Variants in TBC1D5 observed in about 807,000 individuals in gnomAD.
TBC1D5 encodes TBC1 domain family, member 5.
A neutral mutation model predicts 100.3 loss-of-function variants in TBC1D5; 75 were observed. That is an observed-to-expected ratio of 0.75 (90% CI 0.62 to 0.91). TBC1D5 has a LOEUF of 0.91. TBC1D5 is among the 40% of genes least tolerant of loss of function. The pLI, the probability that TBC1D5 is intolerant of heterozygous loss-of-function variation, is 0.00. For missense variants in TBC1D5, 910 were observed against 942.4 expected (o/e 0.97, Z 0.45); for synonymous variants, 323 against 325.6 (o/e 0.99, Z 0.09).
exon 22 of TBC1D5, chr3:17,160,651 A>C (rs191412758): frequency 3.4e-6 from 1 of 296,770 alleles, no homozygotes; most frequent in African/African-American, 2.1e-5. Context: ...GTGATTCTAA[A>C]TTGTGATTCG....
intron 18 of TBC1D5, among the ~76,000 whole-genome samples, chr3:17,186,152 T>A (rs549690690): frequency 6.6e-6 from 1 of 151,994 alleles, no homozygotes; most frequent in Non-Finnish European, 1.5e-5. Flanking sequence ...GAAAACTGAT[T>A]TTCCAGTCTT....
intron 5 of TBC1D5, 146 bp downstream of exon 5, chr3:17,406,272 T>C (rs1169517621): frequency 1.5e-6 from 1 of 651,188 alleles, no homozygotes; most frequent in Non-Finnish European, 2.6e-6. Context: ...AAATGTCCTA[T>C]GAAAGATAAA....
intron 14 of TBC1D5, among the ~76,000 whole-genome samples, chr3:17,302,549 G>A (rs934114024): frequency 2.6e-5 from 4 of 152,162 alleles, no homozygotes; most frequent in African/African-American, 9.7e-5. Flanking sequence ...TGGACTAGAT[G>A]CAGTGAATCT....
intron 13 of TBC1D5, among the ~76,000 whole-genome samples, chr3:17,363,113 T>C (rs2091856532): frequency 6.6e-6 from 1 of 152,204 alleles, no homozygotes; most frequent in Non-Finnish European, 1.5e-5. Context: ...ATTTCCTGCC[T>C]TCTACTTTTA....
intron 3 of TBC1D5, among the ~76,000 whole-genome samples, chr3:17,429,462 T>C (rs2094407655): frequency 6.6e-6 from 1 of 151,930 alleles, no homozygotes; most frequent in Non-Finnish European, 1.5e-5. Context: ...ATTTATATAA[T>C]GTAACTTTCA....
chr3:17,597,682 C>T (rs1162529660), intron 2 of TBC1D5, among the ~76,000 whole-genome samples: 1 of 152,096 alleles, frequency 6.6e-6, no homozygotes, highest in East Asian at 1.9e-4. Context: ...ATAATTAAAA[C>T]ATAACTTCCA....
intron 2 of TBC1D5, among the ~76,000 whole-genome samples, chr3:17,548,291 G>C (rs2153440980): frequency 6.6e-6 from 1 of 152,258 alleles, no homozygotes; most frequent in African/African-American, 2.4e-5. Flanking sequence ...CTAAGGATGG[G>C]CAACAAAGCG....
At chr3:17,500,550 CT>C (rs1415689157) in intron 3 of TBC1D5, among the ~76,000 whole-genome samples, 1 of 149,416 alleles carries the variant, frequency 6.7e-6, no homozygotes, top group Non-Finnish European at 1.5e-5. Context: ...GACTTAACCC[CT>C]AATAGATAAT....
intron 2 of TBC1D5, among the ~76,000 whole-genome samples, chr3:17,550,204 T>A (rs2096460522): frequency 6.6e-6 from 1 of 152,102 alleles, no homozygotes; most frequent in Non-Finnish European, 1.5e-5. Context: ...GTCTTTCCCC[T>A]TCTATGTGCT....
intron 1 of TBC1D5, among the ~76,000 whole-genome samples, chr3:17,689,595 T>C (rs2070815149): frequency 6.8e-6 from 1 of 146,884 alleles, no homozygotes; most frequent in Non-Finnish European, 1.5e-5. Context: ...TAATAAAAGA[T>C]AAATGTATAA....
intron 2 of TBC1D5, among the ~76,000 whole-genome samples, chr3:17,612,199 C>T (rs1365055477): frequency 6.7e-6 from 1 of 150,140 alleles, no homozygotes; most frequent in Non-Finnish European, 1.5e-5. Flanking sequence ...ACTTGGAAGG[C>T]TGAGGTGGGA....
intron 3 of TBC1D5, among the ~76,000 whole-genome samples, chr3:17,439,631 T>C (rs1409100075): frequency 6.6e-6 from 1 of 152,142 alleles, no homozygotes; most frequent in African/African-American, 2.4e-5. Context: ...ATTTTACAAA[T>C]TTTTGCTATG....
chr3:17,370,494 C>A (rs2092397497), intron 13 of TBC1D5, among the ~76,000 whole-genome samples: 1 of 152,256 alleles, frequency 6.6e-6, no homozygotes, highest in East Asian at 1.9e-4. Flanking sequence ...ATGTACATAG[C>A]AATTCATTAA....
intron 1 of TBC1D5, among the ~76,000 whole-genome samples, chr3:17,639,031 T>C (rs2064240670): frequency 6.6e-6 from 1 of 152,010 alleles, no homozygotes; most frequent in Admixed American, 6.6e-5. Flanking sequence ...CCAAGGGAAA[T>C]GAAAAGAAAT....
chr3:17,216,933 C>T (rs2073712713), intron 17 of TBC1D5, among the ~76,000 whole-genome samples: 1 of 152,096 alleles, frequency 6.6e-6, no homozygotes. Context: ...GTGTTTTTTA[C>T]AGTACACTTA....
At chr3:17,485,276 T>G (rs1173166867) in intron 3 of TBC1D5, among the ~76,000 whole-genome samples, 1 of 150,586 alleles carries the variant, frequency 6.6e-6, no homozygotes, top group Admixed American at 6.6e-5. Context: ...AAGATAGAAT[T>G]TTTTTAGTAA....
intron 13 of TBC1D5, among the ~76,000 whole-genome samples, chr3:17,359,006 A>G (rs1403639010): frequency 8.5e-5 from 13 of 152,080 alleles, no homozygotes; most frequent in Non-Finnish European, 1.8e-4. Context: ...CTATATTATT[A>G]TAACAAATAA....
intron 2 of TBC1D5, among the ~76,000 whole-genome samples, chr3:17,549,984 G>A (rs1247667534): frequency 6.6e-6 from 1 of 150,704 alleles, no homozygotes; most frequent in Non-Finnish European, 1.5e-5. Context: ...ATAATGAATG[G>A]CTTCCTACTA....
chr3:17,578,350 A>C (rs2096670666), intron 2 of TBC1D5, among the ~76,000 whole-genome samples: 1 of 152,016 alleles, frequency 6.6e-6, no homozygotes, highest in African/African-American at 2.4e-5. Flanking sequence ...GGGAATCTAC[A>C]AGATTGCCAA....
Sources: allele counts gnomAD v4.1 joint callset (sites outside exome capture counted in the v4.1 genomes callset), GRCh38; gene constraint gnomAD v4.1.1; transcripts MANE v1.5; gene names NCBI Gene and HGNC (gene_info 2026-07-23, HGNC 2026-07-21).